SLC9A9: variants seen among roughly 807,000 people sequenced by gnomAD.
SLC9A9 encodes the protein solute carrier family 9 member A9, also known as sodium/hydrogen exchanger 9.
A neutral mutation model predicts 77.8 loss-of-function variants in SLC9A9; 62 were observed. That is an observed-to-expected ratio of 0.80 (90% confidence interval 0.65 to 0.98). SLC9A9 has a LOEUF of 0.98. Ranked by LOEUF, SLC9A9 falls within the 50% of genes least tolerant of loss-of-function variation. The probability of loss-of-function intolerance (pLI) is 0.00; values close to 1 mark genes in which losing one functional copy is unlikely to be tolerated. For synonymous variants in SLC9A9, 320 were observed against 283.5 expected (o/e 1.13, Z -1.29); for missense variants, 775 against 774.9 (o/e 1.00, Z 0.00).
chr3:143,517,447 A>G, intron 9 of SLC9A9: 1 of 1,596,540 alleles, frequency 6.3e-7, no homozygotes, highest in Non-Finnish European at 8.5e-7. Flanking sequence ...GGGCTCTCTC[A>G]TGCTCCTCTT....
rs1417058575 is a variant in SLC9A9 at position 143,379,347 on chromosome 3, CA to C, written c.1524+2712del. 3.3e-5 allele frequency among the ~76,000 whole-genome samples: 5 copies of C among 152,060 alleles called. No individual in the cohort carries two copies. In the East Asian group the frequency reaches 9.6e-4, roughly 29 times the overall value. On this transcript the variant is annotated intron_variant, in intron 13 of 15. Coordinates refer to ENST00000316549, the MANE Select transcript of SLC9A9 (RefSeq NM_173653.4). ...AGGTTCTTGACAGTTTGGGAAGTAC[CA>C]AAAAACGGTCCAGGTTCAGTGGCAG... is the stretch of plus-strand genomic sequence containing the variant.
At chr3:143,335,736 C>G in intron 14 of SLC9A9, among the ~76,000 whole-genome samples, 1 of 152,118 alleles carries the variant, frequency 6.6e-6, no homozygotes, top group East Asian at 1.9e-4. Context: ...GGACCTTTAT[C>G]TTATGCCATA....
chr3:143,772,609 C>T (rs2007562365), intron 4 of SLC9A9, among the ~76,000 whole-genome samples: 1 of 152,162 alleles, frequency 6.6e-6, no homozygotes, highest in African/African-American at 2.4e-5. Flanking sequence ...GTAGCCACTA[C>T]CATAGCACTT....
At chr3:143,812,039 A>G (rs534116603) in intron 2 of SLC9A9, among the ~76,000 whole-genome samples, 2 of 152,306 alleles carry the variant, frequency 1.3e-5, no homozygotes, top group East Asian at 3.9e-4. Context: ...AAAGTCCAAC[A>G]GGAGGATACA....
chr3:143,644,794 A>G (rs141091830), intron 6 of SLC9A9, among the ~76,000 whole-genome samples: 2 of 152,210 alleles, frequency 1.3e-5, no homozygotes, highest in East Asian at 3.9e-4. Context: ...GTATCACCCC[A>G]GTATCTAGAC....
At chr3:143,511,754 T>C (rs978266330) in intron 9 of SLC9A9, among the ~76,000 whole-genome samples, 1 of 152,230 alleles carries the variant, frequency 6.6e-6, no homozygotes, top group Admixed American at 6.5e-5. Context: ...TTTCCTTGGA[T>C]GAGGAAATCA....
At chr3:143,352,689 AC>A (rs1281669680) in intron 14 of SLC9A9, among the ~76,000 whole-genome samples, 8 of 152,224 alleles carry the variant, frequency 5.3e-5, no homozygotes, top group Admixed American at 1.3e-4. Context: ...ATGAAATGAT[AC>A]TTTTCTATAT....
At chr3:143,774,913 CT>C (rs563141800) in intron 4 of SLC9A9, among the ~76,000 whole-genome samples, 2 of 152,128 alleles carry the variant, frequency 1.3e-5, no homozygotes, top group Non-Finnish European at 2.9e-5. Flanking sequence ...TTCTCCTCAG[CT>C]TTTCTGGCTT....
chr3:143,345,975 AAGG>A (rs1199203060), intron 14 of SLC9A9, among the ~76,000 whole-genome samples: 3 of 152,282 alleles, frequency 2.0e-5, no homozygotes, highest in African/African-American at 7.2e-5. Flanking sequence ...TTGTCTATAG[AAGG>A]AGGAAAATAA....
chr3:143,824,920 A>G (rs1192432331), intron 2 of SLC9A9, among the ~76,000 whole-genome samples: 4 of 152,218 alleles, frequency 2.6e-5, no homozygotes, highest in African/African-American at 9.7e-5. Flanking sequence ...GGATGAAAGG[A>G]GCTGCATCCG....
chr3:143,564,159 G>A (rs545215966), intron 8 of SLC9A9, among the ~76,000 whole-genome samples: 1 of 152,176 alleles, frequency 6.6e-6, no homozygotes, highest in Non-Finnish European at 1.5e-5. Context: ...TCCTGGCAGG[G>A]TCCGTTGTCT....
intron 12 of SLC9A9, among the ~76,000 whole-genome samples, chr3:143,382,467 C>A (rs538520072): frequency 6.6e-6 from 1 of 152,244 alleles, no homozygotes; most frequent in African/African-American, 2.4e-5. Context: ...CCTCTGCAAC[C>A]AACCATTGAC....
chr3:143,568,343 G>A (rs2037205302), intron 8 of SLC9A9, among the ~76,000 whole-genome samples: 2 of 152,160 alleles, frequency 1.3e-5, no homozygotes, highest in Non-Finnish European at 2.9e-5. Context: ...ATCCATTGGA[G>A]TTGGGGGTAG....
At chr3:143,393,009 C>A (rs2033609251) in intron 12 of SLC9A9, among the ~76,000 whole-genome samples, 1 of 152,140 alleles carries the variant, frequency 6.6e-6, no homozygotes, top group Non-Finnish European at 1.5e-5. Context: ...GACTTTAACA[C>A]CCCACTGTCA....
intron 11 of SLC9A9, 148 bp from the exon 12 acceptor site, chr3:143,467,338 A>C: frequency 1.0e-6 from 1 of 961,398 alleles, no homozygotes; most frequent in Admixed American, 2.3e-5. Context: ...AGTTGTAAGA[A>C]ATAAAACAGA....
At chr3:143,785,829 T>C (rs889801389) in intron 4 of SLC9A9, among the ~76,000 whole-genome samples, 4 of 146,246 alleles carry the variant, frequency 2.7e-5, no homozygotes, top group African/African-American at 1.0e-4. Flanking sequence ...TGAGTAATTC[T>C]AAGACTTGAA....
At chr3:143,590,144 G>A (rs112223034) in intron 6 of SLC9A9, among the ~76,000 whole-genome samples, 1 of 152,076 alleles carries the variant, frequency 6.6e-6, no homozygotes, top group Non-Finnish European at 1.5e-5. Flanking sequence ...GCCATCCTAC[G>A]CAGTTTGTCC....
intron 13 of SLC9A9, among the ~76,000 whole-genome samples, chr3:143,370,570 C>CACACACACAT: frequency 8.8e-6 from 1 of 113,166 alleles, no homozygotes; most frequent in Non-Finnish European, 1.8e-5. Flanking sequence ...TGTGCGCGCA[C>CACACACACAT]ACACACACAC....
At chr3:143,746,308 T>C (rs905170130) in intron 4 of SLC9A9, among the ~76,000 whole-genome samples, 2 of 152,214 alleles carry the variant, frequency 1.3e-5, no homozygotes, top group African/African-American at 4.8e-5. Flanking sequence ...TTTATTCAAA[T>C]ACTTATTTAG....
Sources: gnomAD v4.1 joint callset for allele counts (sites outside exome capture counted in the v4.1 genomes callset) on GRCh38, gnomAD v4.1.1 for gene constraint, MANE v1.5 for transcripts, NCBI Gene and HGNC (gene_info 2026-07-23, HGNC 2026-07-21) for gene names.